Variants in H3C10 observed in about 807,000 individuals in gnomAD.
H3C10 encodes the protein H3 clustered histone 10.
A neutral mutation model predicts 6.8 loss-of-function variants in H3C10; 8 were observed. The observed-to-expected ratio is 1.17, with a 90% CI of 0.69 to 2.12. The LOEUF (loss-of-function observed/expected upper bound fraction) is 2.12. Ranked by LOEUF, H3C10 falls within the 30% of genes most tolerant of loss-of-function variation. The pLI is 0.00. For synonymous variants in H3C10, 122 were observed against 81.3 expected, an observed-to-expected ratio of 1.50 and a Z score of -2.69; for missense variants, 163 against 195.3, an observed-to-expected ratio of 0.83 and a Z score of 0.98.
In H3C10 at chr6:27,810,234, G is replaced by T. The variant is rs764186127; in HGVS notation, c.161G>T (p.Arg54Leu). 1.9e-6 allele frequency: 3 copies of T among 1,614,096 alleles called. No homozygotes were observed. Among genetic ancestry groups the T allele is most frequent in the Admixed American group, 3.3e-5 (2 of 60,012 alleles). ...PGTVALREIRRYQKSTELLIR... is the reference protein window; with the variant it reads ...PGTVALREIRLYQKSTELLIR... ...ACAGTGGCTCTCCGCGAGATTCGCC[G>T]CTACCAGAAGTCCACCGAGCTGCTG... Residue 54 changes from arginine (R) to leucine (L), a missense_variant, in exon 1 of 1, where the codon CGC becomes CTC. Arg to Leu is a moderately radical substitution (Grantham distance 102). Coordinates refer to ENST00000685041, the MANE Select transcript of H3C10 (RefSeq NM_003536.3).
Position 27,810,466 on chromosome 6 carries a change from C to A in H3C10, c.393C>A (p.Ile131=), listed in dbSNP as rs910187597. ...MPKDIQLARR[I]RGERA is the part of the protein sequence containing the mutation. ...AGGACATCCAGCTCGCACGTCGTAT[C>A]CGCGGCGAGAGGGCTTGAGTCTCAA... The change falls in exon 1 of 1, where the codon ATC becomes ATA. Residue 131 remains isoleucine (I), a synonymous_variant. Transcript: ENST00000685041. The A allele has an allele frequency of 6.2e-7, 1 of 1,614,122 alleles. No individual in the cohort carries two copies. The highest frequency in any genetic ancestry group is 2.2e-5 in the East Asian group (1 of 44,888).
At position 27,810,059 on chromosome 6, in the gene H3C10, T is replaced by C. The variant is rs779723050; in HGVS notation, c.-15T>C. The C allele has an allele frequency of 1.2e-6, 2 of 1,613,072 alleles. No homozygotes were observed. The highest frequency in any genetic ancestry group is 1.7e-6 in the Non-Finnish European group (2 of 1,179,570). On this transcript the variant is annotated 5_prime_UTR_variant, in exon 1 of 1. Coordinates refer to ENST00000685041, the MANE Select transcript of H3C10 (RefSeq NM_003536.3). Reference sequence around the variant, plus strand: ...AGCTTTCTCTTTCTCCTGAAGTGAATCTAGCTCTGAAGGCATGGCGCGTAC... The same window carrying C: ...AGCTTTCTCTTTCTCCTGAAGTGAACCTAGCTCTGAAGGCATGGCGCGTAC...
In H3C10 at chr6:27,810,417, C is replaced by T; in HGVS notation, c.344C>T (p.Ala115Val). 1 of 1,614,192 alleles carries T rather than the reference C, an allele frequency of 6.2e-7. No homozygotes were observed. Among genetic ancestry groups the T allele is most frequent in the Non-Finnish European group, 8.5e-7 (1 of 1,180,040 alleles). The change falls in exon 1 of 1, where the codon GCC becomes GTC. Residue 115 changes from alanine to valine, a missense_variant. By Grantham distance (64) the Ala-to-Val change is moderately conservative. Coordinates refer to ENST00000685041, the MANE Select transcript of H3C10 (RefSeq NM_003536.3). The stretch of plus-strand genomic sequence containing the variant: ...GACACCAACCTGTGCGCCATCCACG[C>T]CAAGCGGGTGACTATCATGCCCAAG... ...FEDTNLCAIH[A>V]KRVTIMPKDI... is the part of the protein sequence containing the mutation.
chr6:27,810,173 G>A lies in H3C10; in HGVS notation c.100G>A (p.Gly34Ser). The A allele has an allele frequency of 6.2e-7, 1 of 1,614,128 alleles. No homozygotes were observed. The highest frequency in any genetic ancestry group is 8.5e-7 in the Non-Finnish European group (1 of 1,180,026). Residue 34 changes from glycine to serine, a missense_variant, in exon 1 of 1, where the codon GGC becomes AGC. Transcript: ENST00000685041. ...KAARKSAPAT[G>S]GVKKPHRYRP... Reference sequence around the variant, plus strand: ...GGCTCGGAAGAGCGCTCCGGCCACCGGCGGTGTCAAGAAGCCCCATCGCTA... The same window carrying A: ...GGCTCGGAAGAGCGCTCCGGCCACCAGCGGTGTCAAGAAGCCCCATCGCTA...
chr6:27,810,535 C>T lies in H3C10; in HGVS notation c.*51C>T, dbSNP rs750001894. The T allele has an allele frequency of 6.5e-7, 1 of 1,539,262 alleles. No homozygotes were observed. The highest frequency in any genetic ancestry group is 1.4e-5 in the African/African-American group (1 of 72,522). On this transcript the variant is annotated 3_prime_UTR_variant, in exon 1 of 1. Coordinates refer to ENST00000685041, the MANE Select transcript of H3C10 (RefSeq NM_003536.3). ...CCCAAAGGCTCTTTTCAGAGCCACC[C>T]ACATGCGCGCTGAAAAGATCTGTTT...
chr6:27,810,370 C>T lies in H3C10; in HGVS notation c.297C>T (p.Ala99=). ...TGGCGCTGCAAGAGGCATGCGAGGC[C>T]TACCTGGTGGGGCTCTTTGAGGACA... The part of the protein sequence containing the change: ...AVMALQEACE[A]YLVGLFEDTN... The change falls in exon 1 of 1, where the codon GCC becomes GCT. Residue 99 remains alanine, a synonymous_variant. Coordinates refer to ENST00000685041, the MANE Select transcript of H3C10 (RefSeq NM_003536.3). The T allele has an allele frequency of 1.2e-6, 2 of 1,614,246 alleles. No homozygotes were observed. The highest frequency in any genetic ancestry group is 1.1e-5 in the South Asian group (1 of 91,086).
In H3C10 at chr6:27,810,527, G is replaced by C. The variant is rs1760542367; in HGVS notation, c.*43G>C. The C allele has an allele frequency of 3.2e-6, 5 of 1,575,880 alleles. No individual in the cohort carries two copies. The highest frequency in any genetic ancestry group is 4.3e-6 in the Non-Finnish European group (5 of 1,159,522). On this transcript the variant is annotated 3_prime_UTR_variant, in exon 1 of 1. Coordinates refer to ENST00000685041, the MANE Select transcript of H3C10 (RefSeq NM_003536.3). Reference sequence around the variant, plus strand: ...ATTACATACCCAAAGGCTCTTTTCAGAGCCACCCACATGCGCGCTGAAAAG... The same window carrying C: ...ATTACATACCCAAAGGCTCTTTTCACAGCCACCCACATGCGCGCTGAAAAG...
chr6:27,810,374 C>G lies in H3C10; in HGVS notation c.301C>G (p.Leu101Val). Residue 101 changes from leucine to valine, a missense_variant, in exon 1 of 1, where the codon CTG becomes GTG. Physicochemically the swap from Leu to Val is conservative, Grantham distance 32 (BLOSUM62 1). Coordinates refer to ENST00000685041, the MANE Select transcript of H3C10 (RefSeq NM_003536.3). ...MALQEACEAY[L>V]VGLFEDTNLC... is the part of the protein sequence containing the mutation. ...GCTGCAAGAGGCATGCGAGGCCTAC[C>G]TGGTGGGGCTCTTTGAGGACACCAA... The G allele has an allele frequency of 6.2e-7, 1 of 1,614,228 alleles. No homozygotes were observed. Among genetic ancestry groups the G allele is most frequent in the Non-Finnish European group, 8.5e-7 (1 of 1,180,048 alleles).
In H3C10 at chr6:27,810,489, C is replaced by G. The variant is rs748324475; in HGVS notation, c.*5C>G. 1 of 1,612,774 alleles carries G rather than the reference C, an allele frequency of 6.2e-7. No homozygotes were observed. Among genetic ancestry groups the G allele is most frequent in the South Asian group, 1.1e-5 (1 of 90,994 alleles). Reference sequence around the variant, plus strand: ...ATCCGCGGCGAGAGGGCTTGAGTCTCAAGGACTCACTGATTACATACCCAA... The same window carrying G: ...ATCCGCGGCGAGAGGGCTTGAGTCTGAAGGACTCACTGATTACATACCCAA... On this transcript the variant is annotated 3_prime_UTR_variant, in exon 1 of 1. Coordinates refer to ENST00000685041, the MANE Select transcript of H3C10 (RefSeq NM_003536.3).
rs1338328505 is a variant in H3C10, at chr6:27,810,082, T to G, written c.9T>G (p.Arg3=). 2 of 1,613,912 alleles carry G rather than the reference T, an allele frequency of 1.2e-6. No homozygotes were observed. The highest frequency in any genetic ancestry group is 1.7e-6 in the Non-Finnish European group (2 of 1,179,958). Residue 3 remains arginine, a synonymous_variant, in exon 1 of 1, where the codon CGT becomes CGG. Coordinates refer to ENST00000685041, the MANE Select transcript of H3C10 (RefSeq NM_003536.3). MA[R]TKQTARKSTG... The stretch of plus-strand genomic sequence containing the variant: ...AATCTAGCTCTGAAGGCATGGCGCG[T>G]ACGAAGCAGACTGCTCGCAAGTCCA...
Position 27,810,431 on chromosome 6 carries a change from A to C in H3C10, c.358A>C (p.Ile120Leu). ...LCAIHAKRVT[I>L]MPKDIQLARR... The stretch of plus-strand genomic sequence containing the variant: ...CGCCATCCACGCCAAGCGGGTGACT[A>C]TCATGCCCAAGGACATCCAGCTCGC... The change falls in exon 1 of 1, where the codon ATC (isoleucine) becomes CTC (leucine). Residue 120 changes from isoleucine (I) to leucine (L), a missense_variant. Ile to Leu is a conservative substitution (Grantham distance 5). Transcript: ENST00000685041. 1.9e-6 allele frequency: 3 copies of C among 1,614,160 alleles called. No individual in the cohort carries two copies. The highest frequency in any genetic ancestry group is 2.2e-5 in the South Asian group (2 of 91,072).
rs1285214251 is a variant in H3C10 at position 27,810,361 on chromosome 6, A to T, written c.288A>T (p.Ala96=). 6.2e-7 allele frequency: 1 copy of T among 1,614,234 alleles called. No homozygotes were observed. Among genetic ancestry groups the T allele is most frequent in the Non-Finnish European group, 8.5e-7 (1 of 1,180,036 alleles). ...QSSAVMALQE[A]CEAYLVGLFE... ...CCGCGGTGATGGCGCTGCAAGAGGC[A>T]TGCGAGGCCTACCTGGTGGGGCTCT... Residue 96 remains alanine, a synonymous_variant, in exon 1 of 1, where the codon GCA becomes GCT. Coordinates refer to ENST00000685041, the MANE Select transcript of H3C10 (RefSeq NM_003536.3).
Position 27,810,192 on chromosome 6 carries a change from A to G in H3C10, c.119A>G (p.His40Arg). 1 of 1,614,116 alleles carries G rather than the reference A, an allele frequency of 6.2e-7. No individual in the cohort carries two copies. The highest frequency in any genetic ancestry group is 8.5e-7 in the Non-Finnish European group (1 of 1,180,010). ...GCCACCGGCGGTGTCAAGAAGCCCCATCGCTATCGGCCTGGTACAGTGGCT... is the reference window on the plus strand; with the variant it reads ...GCCACCGGCGGTGTCAAGAAGCCCCGTCGCTATCGGCCTGGTACAGTGGCT... ...APATGGVKKP[H>R]RYRPGTVALR... The change falls in exon 1 of 1, where the codon CAT becomes CGT. Residue 40 changes from histidine (H) to arginine (R), a missense_variant. By Grantham distance (29) the His-to-Arg change is conservative. Coordinates refer to ENST00000685041, the MANE Select transcript of H3C10 (RefSeq NM_003536.3).
Sources: gnomAD v4.1 joint callset for allele counts on GRCh38, gnomAD v4.1.1 for gene constraint, MANE v1.5 for transcripts, NCBI Gene and HGNC (gene_info 2026-07-23, HGNC 2026-07-21) for gene names.